Variants in DLGAP1 observed in about 807,000 individuals in gnomAD.
DLGAP1 encodes DLG associated protein 1.
In DLGAP1, 11 loss-of-function variants were observed where a neutral mutation model predicts 90.8. The ratio of observed to expected loss-of-function variants is 0.12; its 90% CI spans 0.08 to 0.20. The LOEUF is 0.20. Among genes scored for constraint, DLGAP1 ranks in the 10% least tolerant of loss-of-function variants. The pLI is 1.00. For missense variants in DLGAP1, 1,050 were observed against 1,333.8 expected (o/e 0.79, Z 3.31); for synonymous variants, 558 against 540.7 (o/e 1.03, Z -0.44).
At chr18:3,567,683 G>A in intron 8 of DLGAP1, 102 bp from the exon 9 acceptor site, 2 of 1,031,342 alleles carry the variant, frequency 1.9e-6, no homozygotes, top group African/African-American at 1.6e-5. Flanking sequence ...TGACTGGAAT[G>A]TTTTGTAATT....
intron 5 of DLGAP1, among the ~76,000 whole-genome samples, chr18:3,759,868 G>A (rs1441205927): frequency 6.6e-6 from 1 of 152,206 alleles, no homozygotes; most frequent in African/African-American, 2.4e-5. Context: ...AGGTAAAAGT[G>A]AGCCAGACAT....
intron 1 of DLGAP1, among the ~76,000 whole-genome samples, chr18:4,452,488 C>A (rs939337045): frequency 2.0e-5 from 3 of 151,170 alleles, no homozygotes; most frequent in Admixed American, 6.6e-5. Flanking sequence ...TAAAAAAAAT[C>A]AATCTAAATG....
At chr18:4,176,115 T>C (rs1166812283) in intron 1 of DLGAP1, among the ~76,000 whole-genome samples, 3 of 152,216 alleles carry the variant, frequency 2.0e-5, no homozygotes, top group East Asian at 1.9e-4. Context: ...AGCAGTTGTT[T>C]ATAGTTCTCC....
At chr18:4,390,979 T>C (rs1267772456) in intron 1 of DLGAP1, among the ~76,000 whole-genome samples, 2 of 152,180 alleles carry the variant, frequency 1.3e-5, no homozygotes, top group African/African-American at 4.8e-5. Context: ...CGGTCAGTAG[T>C]ACAGAATGGT....
chr18:4,442,355 T>A (rs1216222542), intron 1 of DLGAP1, among the ~76,000 whole-genome samples: 1 of 152,232 alleles, frequency 6.6e-6, no homozygotes, highest in Non-Finnish European at 1.5e-5. Context: ...ATTTACATAA[T>A]GTGCCTAGTG....
At chr18:3,769,976 C>T (rs1304674675) in intron 5 of DLGAP1, 2 of 152,010 alleles carry the variant, frequency 1.3e-5, no homozygotes, top group Non-Finnish European at 1.5e-5. Flanking sequence ...AAAATCCCAC[C>T]TTCAGACAAT....
intron 4 of DLGAP1, among the ~76,000 whole-genome samples, chr18:3,877,529 T>C (rs530941354): frequency 6.6e-6 from 1 of 152,362 alleles, no homozygotes; most frequent in African/African-American, 2.4e-5. Flanking sequence ...TGTGGTACTC[T>C]AGGGCTTTTA....
Position 3,846,043 on chromosome 18 carries a change from G to GGTGTGTGTGTGTGTGT in DLGAP1, c.958-31786_958-31771dup, listed in dbSNP as rs35460885. 5.7e-3 allele frequency among the ~76,000 whole-genome samples: 825 copies of GGTGTGTGTGTGTGTGT among 145,112 alleles called. 6 individuals carry two copies. Among genetic ancestry groups the GGTGTGTGTGTGTGTGT allele is most frequent in the East Asian group, 8.9e-3 (43 of 4,856 alleles). Reference sequence around the variant, plus strand: ...TCCCAGAAAATCTTATTGAAAGTGTGGTGTGTGTGTGTGTGTGTGTGTGTG... The same window carrying GGTGTGTGTGTGTGTGT: ...TCCCAGAAAATCTTATTGAAAGTGTGGTGTGTGTGTGTGTGTGTGTGTGTGTGTGTGTGTGTGTGTG... On this transcript the variant is annotated intron_variant, in intron 4 of 12. Transcript: ENST00000315677.
At chr18:3,971,164 T>C (rs560487185) in intron 3 of DLGAP1, among the ~76,000 whole-genome samples, 3 of 152,340 alleles carry the variant, frequency 2.0e-5, no homozygotes, top group East Asian at 3.9e-4. Flanking sequence ...CAGCTTTCAG[T>C]CTGTAGCATT....
At chr18:3,957,413 C>T (rs1486622928) in intron 3 of DLGAP1, among the ~76,000 whole-genome samples, 1 of 152,174 alleles carries the variant, frequency 6.6e-6, no homozygotes, top group Admixed American at 6.5e-5. Flanking sequence ...TGTGGAATGA[C>T]AAACTTATGT....
chr18:4,026,112 G>A, intron 2 of DLGAP1, among the ~76,000 whole-genome samples: 1 of 152,158 alleles, frequency 6.6e-6, no homozygotes, highest in Middle Eastern at 3.2e-3. Context: ...TTTATAAAAG[G>A]TGACCACGGT....
At chr18:4,400,083 C>A (rs191304174) in intron 1 of DLGAP1, among the ~76,000 whole-genome samples, 1 of 152,188 alleles carries the variant, frequency 6.6e-6, no homozygotes, top group Admixed American at 6.5e-5. Context: ...GTTCCCCCAC[C>A]CCCCGCCAGG....
chr18:3,582,535 G>T (rs1035668736), intron 7 of DLGAP1, among the ~76,000 whole-genome samples: 18 of 152,128 alleles, frequency 1.2e-4, no homozygotes, highest in Admixed American at 2.6e-4. Flanking sequence ...AACTAGATAC[G>T]ATTAGCCCTC....
intron 1 of DLGAP1, among the ~76,000 whole-genome samples, chr18:4,372,767 A>G (rs1158902913): frequency 6.6e-6 from 1 of 152,138 alleles, no homozygotes; most frequent in East Asian, 1.9e-4. Context: ...TCTCTACTAA[A>G]AATACAAAAA....
At chr18:3,813,941 T>G in intron 5 of DLGAP1, 118 bp downstream of exon 5, 2 of 953,288 alleles carry the variant, frequency 2.1e-6, no homozygotes, top group Non-Finnish European at 3.3e-6. Flanking sequence ...ATCAATGTAC[T>G]GCACTGCTCC....
intron 1 of DLGAP1, among the ~76,000 whole-genome samples, chr18:4,237,434 G>A (rs746422474): frequency 6.6e-6 from 1 of 151,994 alleles, no homozygotes; most frequent in Non-Finnish European, 1.5e-5. Context: ...GTGGAGAAAT[G>A]AAAGACAGAA....
At chr18:4,175,398 C>A (rs2077090254) in intron 1 of DLGAP1, among the ~76,000 whole-genome samples, 1 of 152,132 alleles carries the variant, frequency 6.6e-6, no homozygotes, top group South Asian at 2.1e-4. Flanking sequence ...ATTTCTTTTG[C>A]TGTGCAGAAG....
chr18:3,889,809 G>A (rs531314971), intron 3 of DLGAP1, among the ~76,000 whole-genome samples: 6 of 152,354 alleles, frequency 3.9e-5, no homozygotes, highest in Non-Finnish European at 8.8e-5. Context: ...AGTAAAGGAA[G>A]GGCCCATGTC....
chr18:4,082,510 CAAAAA>C lies in DLGAP1; in HGVS notation c.-159+68665_-159+68669del, dbSNP rs59735494. On this transcript the variant is annotated intron_variant, in intron 2 of 12. Coordinates refer to ENST00000315677, the MANE Select transcript of DLGAP1 (RefSeq NM_004746.4). ...TGGGTGACAGAGTGAGACTTTGTCT[CAAAAA>C]AAAAAAAAAAAAAAAAAAAGAAGGG... Among the ~76,000 whole-genome samples the C allele has an allele frequency of 3.2e-3, 166 of 52,098 alleles. 2 individuals carry two copies. Among genetic ancestry groups the C allele is most frequent in the African/African-American group, 0.014 (154 of 11,166 alleles). 34.2% of individuals were successfully genotyped at this position (52,098 alleles called of 152,430 possible).
Sources: gnomAD v4.1 joint callset for allele counts (sites outside exome capture counted in the v4.1 genomes callset) on GRCh38, gnomAD v4.1.1 for gene constraint, MANE v1.5 for transcripts, NCBI Gene and HGNC (gene_info 2026-07-23, HGNC 2026-07-21) for gene names.